The following HIVEP2 variants were observed in gnomAD, a reference collection of about 807,000 sequenced individuals.
The protein encoded by HIVEP2 is transcription factor HIVEP2.
HIVEP2 carries 14 observed loss-of-function variants against 180.7 expected under a neutral mutation model. The ratio of observed to expected loss-of-function variants is 0.08; its 90% CI spans 0.05 to 0.12. The LOEUF (loss-of-function observed/expected upper bound fraction) is 0.12. Among genes scored for constraint, HIVEP2 ranks in the 10% least tolerant of loss-of-function variants. The pLI is 1.00. For synonymous variants in HIVEP2, 1,184 were observed against 1,136.4 expected, an observed-to-expected ratio of 1.04 and a Z score of -0.84; for missense variants, 2,579 against 3,008.5, an observed-to-expected ratio of 0.86 and a Z score of 3.34.
intron 2 of HIVEP2, among the ~76,000 whole-genome samples, chr6:142,835,701 T>C (rs572128827): frequency 5.3e-5 from 8 of 152,282 alleles, no homozygotes; most frequent in African/African-American, 1.4e-4. Flanking sequence ...GACTGAACCA[T>C]GAACCTTACG....
intron 2 of HIVEP2, among the ~76,000 whole-genome samples, chr6:142,824,661 T>C (rs1210466853): frequency 6.6e-6 from 1 of 152,208 alleles, no homozygotes; most frequent in Non-Finnish European, 1.5e-5. Context: ...ACAAAGTTTA[T>C]GCCTAATACC....
At position 142,793,581 on chromosome 6, in the gene HIVEP2, C is replaced by A. The variant is rs181533936; in HGVS notation, c.-527-9966G>T. 1.3e-3 allele frequency among the ~76,000 whole-genome samples: 205 copies of A among 152,026 alleles called. 1 individual carries two copies. Among genetic ancestry groups the A allele is most frequent in the African/African-American group, 4.5e-3 (185 of 41,486 alleles). On this transcript the variant is annotated intron_variant, in intron 2 of 9. Coordinates refer to ENST00000367603, the MANE Select transcript of HIVEP2 (RefSeq NM_006734.4). The stretch of plus-strand genomic sequence containing the variant: ...TCCATGTTTTATAATTTATTAATTT[C>A]TTTCTTTCTACCTCCCCCCTCCCAC...
intron 1 of HIVEP2, among the ~76,000 whole-genome samples, chr6:142,898,748 T>C (rs2128424309): frequency 6.6e-6 from 1 of 152,332 alleles, no homozygotes; most frequent in Admixed American, 6.5e-5. Flanking sequence ...TCCTGAGCAA[T>C]ATCATCACTA....
chr6:142,937,916 T>C (rs1277828647), intron 1 of HIVEP2, among the ~76,000 whole-genome samples: 1 of 152,246 alleles, frequency 6.6e-6, no homozygotes, highest in Non-Finnish European at 1.5e-5. Flanking sequence ...AGGTGAGTGC[T>C]CTTTAAGCCT....
At chr6:142,756,909 A>G (rs538478644) in intron 9 of HIVEP2, among the ~76,000 whole-genome samples, 2 of 152,122 alleles carry the variant, frequency 1.3e-5, no homozygotes, top group African/African-American at 2.4e-5. Flanking sequence ...CCTTCTCATC[A>G]TTTGTGTCTA....
At chr6:142,880,435 G>A (rs1197336233) in intron 1 of HIVEP2, among the ~76,000 whole-genome samples, 4 of 152,164 alleles carry the variant, frequency 2.6e-5, no homozygotes, top group Non-Finnish European at 4.4e-5. Flanking sequence ...GGACTGACAG[G>A]CAAGCCTTTG....
chr6:142,896,187 G>T (rs1776987201), intron 1 of HIVEP2, among the ~76,000 whole-genome samples: 1 of 152,174 alleles, frequency 6.6e-6, no homozygotes, highest in South Asian at 2.1e-4. Flanking sequence ...AGTCAATTGT[G>T]TCACATCACC....
In HIVEP2 at chr6:142,873,422, T is replaced by C. The variant is rs376327326; in HGVS notation, c.-640-36375A>G. 1.4e-3 allele frequency among the ~76,000 whole-genome samples: 215 copies of C among 152,312 alleles called. 4 individuals carry two copies. The South Asian group carries it at 0.043, about 30-fold the overall frequency. On this transcript the variant is annotated intron_variant, in intron 1 of 9. Coordinates refer to ENST00000367603, the MANE Select transcript of HIVEP2 (RefSeq NM_006734.4). ...AATTAATCCAATCACCACCATTATT[T>C]TGAACACCAATACTATTGACTAGTA...
intron 7 of HIVEP2, 138 bp downstream of exon 7, chr6:142,764,661 A>G (rs1775335762): frequency 1.4e-6 from 1 of 709,556 alleles, no homozygotes; most frequent in Admixed American, 2.7e-5. Flanking sequence ...TACTTGAGGG[A>G]GAAAATATAT....
At chr6:142,909,078 T>C (rs1777338155) in intron 1 of HIVEP2, among the ~76,000 whole-genome samples, 1 of 152,156 alleles carries the variant, frequency 6.6e-6, no homozygotes, top group Non-Finnish European at 1.5e-5. Context: ...TATCTAAACG[T>C]TATTGTCTCT....
At chr6:142,825,443 A>T (rs1346943419) in intron 2 of HIVEP2, among the ~76,000 whole-genome samples, 1 of 152,118 alleles carries the variant, frequency 6.6e-6, no homozygotes, top group Admixed American at 6.6e-5. Flanking sequence ...TCAACCAATG[A>T]CCTTTCCAGT....
At position 142,771,947 on chromosome 6, in the gene HIVEP2, G is replaced by T. The variant is rs747716087; in HGVS notation, c.2792C>A (p.Pro931His). ...CTTTTTGGGTGGCAACTTCTCCGCG[G>T]GGAGCTGGGAAAGGGTCTCACTTCT... is the stretch of plus-strand genomic sequence containing the variant. ...PQRSETLSQL[P>H]AEKLPPKKKR... The change falls in exon 5 of 10, where the codon CCC (proline) becomes CAC (histidine). Residue 931 changes from proline to histidine, a missense_variant. Physicochemically the swap from Pro to His is moderately conservative, Grantham distance 77. Around this residue, in one of 11 missense-constraint regions of HIVEP2, gnomAD observed 51 missense variants for 102.8 expected, o/e 0.50. Transcript: ENST00000367603. The surrounding 1 kb of genome is among the most constrained non-coding windows in gnomAD (Gnocchi z 5.4). 1.2e-6 allele frequency: 2 copies of T among 1,614,028 alleles called. No individual in the cohort carries two copies.
At chr6:142,830,228 C>T (rs1775040634) in intron 2 of HIVEP2, among the ~76,000 whole-genome samples, 2 of 152,006 alleles carry the variant, frequency 1.3e-5, no homozygotes, top group Admixed American at 6.5e-5. Flanking sequence ...CCTGCCTCCC[C>T]GAACTAGACT....
At chr6:142,931,986 A>G (rs1777952121) in intron 1 of HIVEP2, among the ~76,000 whole-genome samples, 1 of 152,080 alleles carries the variant, frequency 6.6e-6, no homozygotes, top group South Asian at 2.1e-4. Flanking sequence ...ACACTTTCCC[A>G]TATTGGTGTG....
chr6:142,791,513 T>C (rs990042498), intron 2 of HIVEP2, among the ~76,000 whole-genome samples: 9 of 152,144 alleles, frequency 5.9e-5, no homozygotes, highest in Admixed American at 1.3e-4. Context: ...AGTTTAAGGC[T>C]AAAAAAATTC....
At chr6:142,845,008 T>C (rs1268534079) in intron 1 of HIVEP2, among the ~76,000 whole-genome samples, 1 of 152,196 alleles carries the variant, frequency 6.6e-6, no homozygotes, top group East Asian at 1.9e-4. Flanking sequence ...AACCTGGACA[T>C]GGGGTCTTTG....
intron 3 of HIVEP2, among the ~76,000 whole-genome samples, chr6:142,777,223 G>A (rs1300103680): frequency 6.6e-6 from 1 of 152,104 alleles, no homozygotes; most frequent in Non-Finnish European, 1.5e-5. Flanking sequence ...ATATGTACAA[G>A]AACCGCTTAA....
intron 1 of HIVEP2, among the ~76,000 whole-genome samples, chr6:142,862,913 T>C (rs1487006957): frequency 7.3e-6 from 1 of 137,170 alleles, no homozygotes; most frequent in Non-Finnish European, 1.5e-5. Flanking sequence ...ATATGTATTA[T>C]ATAAAATGTA....
At chr6:142,933,435 A>G (rs1777984696) in intron 1 of HIVEP2, among the ~76,000 whole-genome samples, 2 of 152,232 alleles carry the variant, frequency 1.3e-5, no homozygotes, top group African/African-American at 2.4e-5. Flanking sequence ...CTTCAAAGCA[A>G]TGGGAATTTT....
Sources: allele counts gnomAD v4.1 joint callset (sites outside exome capture counted in the v4.1 genomes callset), GRCh38; gene constraint gnomAD v4.1.1; regional missense constraint gnomAD v4.1.1; non-coding constraint Gnocchi (gnomAD v3.1); transcripts MANE v1.5; gene names NCBI Gene and HGNC (gene_info 2026-07-23, HGNC 2026-07-21).